The following GATA3 variants were observed in gnomAD, a reference collection of about 807,000 sequenced individuals.
GATA3 encodes GATA binding protein 3.
Under a neutral mutation model 36.0 loss-of-function variants are expected in GATA3, and 6 were observed. The observed-to-expected ratio is 0.17, with a 90% CI of 0.09 to 0.33. The LOEUF is 0.33. GATA3 is among the 10% of genes least tolerant of loss of function. GATA3 has a pLI of 1.00. For missense variants in GATA3, 514 were observed against 610.1 expected (o/e 0.84, Z 1.66); for synonymous variants, 326 against 273.0 (o/e 1.19, Z -1.92).
rs955403716 is a variant in GATA3 at position 8,074,470 on chromosome 10, T to C, written c.*447T>C. ...GACAAACTGCCAGTTTTGTTTCCTTTCACTGGCCACAGTTGTTTGATGCAT... is the reference window on the plus strand; with the variant it reads ...GACAAACTGCCAGTTTTGTTTCCTTCCACTGGCCACAGTTGTTTGATGCAT... On this transcript the variant is annotated 3_prime_UTR_variant, in exon 6 of 6. Transcript: ENST00000379328. The C allele has an allele frequency of 4.2e-6, 1 of 240,454 alleles. No individual in the cohort carries two copies. The highest frequency in any genetic ancestry group is 2.2e-5 in the African/African-American group (1 of 45,510). The allele number at this position is 240,454 out of a possible 1,614,324, so 14.9% of individuals were successfully genotyped here. A position where few individuals can be genotyped will look rare whatever the true frequency, so the allele number is the denominator to read the frequency against.
intron 3 of GATA3, among the ~76,000 whole-genome samples, chr10:8,060,535 C>CT (rs35945472): frequency 0.77 from 114,795 of 148,268 alleles, 45,129 homozygotes; most frequent in East Asian, 0.97. Context: ...TTTTCTTTTT[C>CT]TTTTTTTTTT....
chr10:8,065,714 T>TG (rs1832827179), intron 4 of GATA3, among the ~76,000 whole-genome samples: 1 of 144,518 alleles, frequency 6.9e-6, no homozygotes, highest in South Asian at 2.2e-4. Flanking sequence ...TTTTTTTTTT[T>TG]TTTTTTTTTT....
At chr10:8,068,647 G>A (rs1294379533) in intron 4 of GATA3, among the ~76,000 whole-genome samples, 1 of 152,194 alleles carries the variant, frequency 6.6e-6, no homozygotes, top group African/African-American at 2.4e-5. Flanking sequence ...CAGCTACTCG[G>A]GAGTGTGAGG....
chr10:8,055,813 T>A lies in GATA3; in HGVS notation c.158T>A (p.Ile53Asn), dbSNP rs1438446687. The change falls in exon 2 of 6, where the codon ATC becomes AAC. Residue 53 changes from isoleucine (I) to asparagine (N), a missense_variant. Around this residue, in one of 3 missense-constraint regions of GATA3, gnomAD observed 381 missense variants for 354.3 expected, o/e 1.08. Coordinates refer to ENST00000379328, the MANE Select transcript of GATA3 (RefSeq NM_001002295.2). The surrounding 1 kb of genome is among the most constrained non-coding windows in gnomAD (Gnocchi z 5.4). ...GAGGAGGTGGATGTGCTTTTTAACA[T>A]CGACGGTCAAGGCAACCACGTCCCG... Reference protein sequence around the residue: ...LPEEVDVLFNIDGQGNHVPPY... With the variant: ...LPEEVDVLFNNDGQGNHVPPY... 6.3e-7 allele frequency: 1 copy of A among 1,592,678 alleles called. No individual in the cohort carries two copies. Among genetic ancestry groups the A allele is most frequent in the African/African-American group, 1.3e-5 (1 of 74,540 alleles).
At chr10:8,052,157 C>T (rs184023381), upstream of GATA3, 3 of 152,366 alleles carry the variant, frequency 2.0e-5, no homozygotes, top group South Asian at 2.1e-4. Flanking sequence ...CTAAATACCC[C>T]CTACCGGCTG....
At chr10:8,052,076 G>A (rs545916123), upstream of GATA3, among the ~76,000 whole-genome samples, 2 of 152,310 alleles carry the variant, frequency 1.3e-5, no homozygotes, top group African/African-American at 4.8e-5. Context: ...GCCATCAAAA[G>A]AGCAACGTCC....
upstream of GATA3, among the ~76,000 whole-genome samples, chr10:8,054,252 C>T (rs1442022402): frequency 1.3e-5 from 2 of 152,240 alleles, no homozygotes; most frequent in African/African-American, 2.4e-5. The surrounding 1 kb of genome is among the most constrained non-coding windows in gnomAD (Gnocchi z 4.2). Context: ...TAATAATGAT[C>T]CATGCGTGCC....
chr10:8,063,781 C>T (rs1158419630), intron 3 of GATA3, among the ~76,000 whole-genome samples: 1 of 152,198 alleles, frequency 6.6e-6, no homozygotes, highest in Non-Finnish European at 1.5e-5. Flanking sequence ...CGGGCGCCTC[C>T]GTGTGTGTCG....
chr10:8,047,254 C>T (rs367797328), intron 1 of GATA3, among the ~76,000 whole-genome samples: 1 of 152,146 alleles, frequency 6.6e-6, no homozygotes, highest in Admixed American at 6.5e-5. Context: ...CTGAAAACCC[C>T]TCTTCTGGAG....
chr10:8,068,526 T>C (rs1465562249), intron 4 of GATA3, among the ~76,000 whole-genome samples: 3 of 152,114 alleles, frequency 2.0e-5, no homozygotes, highest in African/African-American at 7.2e-5. Context: ...CCGAGGCAGG[T>C]GGATCACTTG....
At chr10:8,068,712 C>T (rs1832884145) in intron 4 of GATA3, among the ~76,000 whole-genome samples, 1 of 152,192 alleles carries the variant, frequency 6.6e-6, no homozygotes, top group South Asian at 2.1e-4. Context: ...GAGATCGCAC[C>T]ACTGCACTCC....
intron 5 of GATA3, 36 bp from the exon 6 acceptor site, chr10:8,073,703 A>C: frequency 1.3e-6 from 2 of 1,552,150 alleles, no homozygotes; most frequent in Non-Finnish European, 1.8e-6. Flanking sequence ...GCAGCAAAAA[A>C]GTAAAAAAAA....
At chr10:8,050,203 G>T (rs1400348563), upstream of GATA3, among the ~76,000 whole-genome samples, 4 of 152,230 alleles carry the variant, frequency 2.6e-5, no homozygotes, top group Non-Finnish European at 5.9e-5. Context: ...TGCGGCGGGC[G>T]CAGGGAATCG....
chr10:8,061,509 G>T (rs1832748544), intron 3 of GATA3, among the ~76,000 whole-genome samples: 1 of 152,178 alleles, frequency 6.6e-6, no homozygotes, highest in African/African-American at 2.4e-5. Flanking sequence ...CTCACAACAG[G>T]CAGGGGTGAG....
At chr10:8,066,450 C>CTTT (rs774012162) in intron 4 of GATA3, among the ~76,000 whole-genome samples, 3 of 101,242 alleles carry the variant, frequency 3.0e-5, no homozygotes, top group African/African-American at 9.3e-5. Context: ...TTCTTTCTTT[C>CTTT]TTTTTTTTTT....
chr10:8,063,715 C>G (rs562602024), intron 3 of GATA3, among the ~76,000 whole-genome samples: 40 of 152,320 alleles, frequency 2.6e-4, no homozygotes, highest in South Asian at 1.0e-3. Context: ...TCTTCTCCAT[C>G]AAGTCGGGCA....
Position 8,055,170 on chromosome 10 carries a change from G to A in GATA3, c.-369-117G>A. On this transcript the variant is annotated intron_variant, in intron 1 of 5. Transcript: ENST00000379328. The surrounding 1 kb of genome is among the most constrained non-coding windows in gnomAD (Gnocchi z 5.4). ...AGAGCCCTGCGGGCTCCGCGGCCGTGTCCCCGCGCTCCCGTGCGGGTCTCG... is the reference window on the plus strand; with the variant it reads ...AGAGCCCTGCGGGCTCCGCGGCCGTATCCCCGCGCTCCCGTGCGGGTCTCG... 3 of 233,454 alleles carry A rather than the reference G, an allele frequency of 1.3e-5. No homozygotes were observed. The highest frequency in any genetic ancestry group is 2.5e-5 in the Non-Finnish European group (3 of 119,614). The allele number at this position is 233,454 out of a possible 1,614,324, so 14.5% of individuals were successfully genotyped here.
chr10:8,068,250 G>A (rs1461226990), intron 4 of GATA3, among the ~76,000 whole-genome samples: 2 of 152,212 alleles, frequency 1.3e-5, no homozygotes, highest in African/African-American at 4.8e-5. Flanking sequence ...GCTGACCTTT[G>A]ACCTGCAACT....
chr10:8,058,239 C>G, intron 2 of GATA3, 66 bp from the exon 3 acceptor site: 1 of 1,561,814 alleles, frequency 6.4e-7, no homozygotes, highest in Admixed American at 1.7e-5. Flanking sequence ...CCAGGTGTCC[C>G]TGACGGCCTC....
Sources: gnomAD v4.1 joint callset for allele counts (sites outside exome capture counted in the v4.1 genomes callset) on GRCh38, gnomAD v4.1.1 for gene constraint, gnomAD v4.1.1 regional missense constraint, Gnocchi (gnomAD v3.1) non-coding constraint, MANE v1.5 for transcripts, NCBI Gene and HGNC (gene_info 2026-07-23, HGNC 2026-07-21) for gene names.